The following PDE11A variants were observed in gnomAD, a reference collection of about 807,000 sequenced individuals.
The protein encoded by PDE11A is dual 3',5'-cyclic-AMP and -GMP phosphodiesterase 11A.
Under a neutral mutation model 100.5 loss-of-function variants are expected in PDE11A, and 100 were observed. The ratio of observed to expected loss-of-function variants is 1.00; its 90% CI spans 0.85 to 1.18. The LOEUF is 1.18. Among genes scored for constraint, PDE11A ranks in the 50% most tolerant of loss-of-function variants. The pLI, the probability that PDE11A is intolerant of heterozygous loss-of-function variation, is 0.00. For synonymous variants in PDE11A, 381 were observed against 420.8 expected (o/e 0.91, Z 1.16); for missense variants, 1,141 against 1,152.6 (o/e 0.99, Z 0.15).
chr2:177,929,279 C>T (rs2085174796), intron 2 of PDE11A, among the ~76,000 whole-genome samples: 1 of 152,198 alleles, frequency 6.6e-6, no homozygotes, highest in Admixed American at 6.5e-5. Context: ...GAGGAGTTCA[C>T]ACTCTCTGGG....
chr2:178,093,742 A>G (rs930324271), intron 2 of PDE11A, among the ~76,000 whole-genome samples: 2 of 152,244 alleles, frequency 1.3e-5, no homozygotes, highest in African/African-American at 2.4e-5. Flanking sequence ...TAGCTCAAAA[A>G]GAATAGGATA....
chr2:177,743,438 G>A (rs1559169592), intron 10 of PDE11A, among the ~76,000 whole-genome samples: 1 of 152,198 alleles, frequency 6.6e-6, no homozygotes, highest in Non-Finnish European at 1.5e-5. Context: ...TGCTCACTGA[G>A]CACCAACAGT....
intron 5 of PDE11A, among the ~76,000 whole-genome samples, chr2:177,867,705 G>A (rs1489548468): frequency 2.0e-5 from 3 of 152,110 alleles, no homozygotes; most frequent in Admixed American, 2.0e-4. Context: ...CAGCCTGGGT[G>A]ACAGAGCGAG....
intron 2 of PDE11A, among the ~76,000 whole-genome samples, chr2:177,952,225 T>C (rs916554079): frequency 1.3e-5 from 2 of 152,270 alleles, no homozygotes; most frequent in Non-Finnish European, 2.9e-5. Flanking sequence ...CTCCTACTTA[T>C]ATTCCAAGGA....
At chr2:177,960,911 T>C (rs1277357124) in intron 2 of PDE11A, among the ~76,000 whole-genome samples, 5 of 152,176 alleles carry the variant, frequency 3.3e-5, no homozygotes, top group Admixed American at 1.3e-4. Flanking sequence ...AGGTCACAAG[T>C]TGATGCAGAA....
chr2:177,993,479 T>G (rs571811176), intron 2 of PDE11A, among the ~76,000 whole-genome samples: 5 of 152,306 alleles, frequency 3.3e-5, no homozygotes, highest in Admixed American at 2.0e-4. Context: ...GTTCTTAAAA[T>G]TTTTCTGTAA....
At chr2:177,690,480 T>C (rs1053597439) in intron 15 of PDE11A, among the ~76,000 whole-genome samples, 4 of 152,242 alleles carry the variant, frequency 2.6e-5, no homozygotes, top group Non-Finnish European at 5.9e-5. Flanking sequence ...GTAGAAACAT[T>C]TGTTGAGTTC....
chr2:177,723,517 T>C (rs1323784481), intron 12 of PDE11A, among the ~76,000 whole-genome samples: 1 of 152,174 alleles, frequency 6.6e-6, no homozygotes. Flanking sequence ...TGCAAGATCA[T>C]AATATTCTAT....
chr2:177,665,484 A>AG (rs1229221437), intron 18 of PDE11A, among the ~76,000 whole-genome samples: 1 of 46,124 alleles, frequency 2.2e-5, no homozygotes, highest in African/African-American at 4.9e-5. Flanking sequence ...AGTCTCAAAA[A>AG]AAAAATAATA....
chr2:177,887,294 A>C (rs979883984), intron 4 of PDE11A, among the ~76,000 whole-genome samples: 1 of 152,244 alleles, frequency 6.6e-6, no homozygotes, highest in African/African-American at 2.4e-5. Flanking sequence ...ATAATTGGAC[A>C]AAAAATACTG....
At chr2:177,890,379 C>T (rs1336892613) in intron 4 of PDE11A, among the ~76,000 whole-genome samples, 2 of 152,200 alleles carry the variant, frequency 1.3e-5, no homozygotes, top group East Asian at 1.9e-4. Flanking sequence ...CCTGCCCAGG[C>T]ACCTGCTCTT....
Position 177,669,551 on chromosome 2 carries a change from G to C in PDE11A, c.2504C>G (p.Thr835Ser). ...EISRQVAELV[T>S]SEFFEQGDRE... ...ATCTCCTTGTTCGAAGAACTCACTG[G>C]TTACAAGTTCTGCCACCTGAAACAT... Residue 835 changes from threonine (T) to serine (S), a missense_variant, in exon 18 of 20, where the codon ACC (threonine) becomes AGC (serine). Thr to Ser is a moderately conservative substitution (Grantham distance 58). Coordinates refer to ENST00000286063, the MANE Select transcript of PDE11A (RefSeq NM_016953.4). 6.8e-7 allele frequency: 1 copy of C among 1,464,376 alleles called. No individual in the cohort carries two copies. The highest frequency in any genetic ancestry group is 1.7e-4 in the Middle Eastern group (1 of 5,800). 90.7% of individuals were successfully genotyped at this position (1,464,376 alleles called of 1,614,324 possible). A position where few individuals can be genotyped will look rare whatever the true frequency, so the allele number is the denominator to read the frequency against.
chr2:178,003,568 T>C (rs1345636791), intron 2 of PDE11A, among the ~76,000 whole-genome samples: 2 of 151,282 alleles, frequency 1.3e-5, no homozygotes, highest in African/African-American at 2.4e-5. Flanking sequence ...GTATTAGGAG[T>C]AGGAGAGCTG....
chr2:177,742,433 G>A (rs1308922636), intron 10 of PDE11A, among the ~76,000 whole-genome samples: 1 of 152,042 alleles, frequency 6.6e-6, no homozygotes, highest in African/African-American at 2.4e-5. Context: ...CTGTCACTTC[G>A]ATCTTCCCTT....
chr2:177,641,940 T>G (rs1168504020), intron 19 of PDE11A, among the ~76,000 whole-genome samples: 4 of 152,334 alleles, frequency 2.6e-5, no homozygotes, highest in Non-Finnish European at 5.9e-5. Flanking sequence ...GGTATGTGCA[T>G]TATCAACCCG....
At chr2:177,803,748 A>T (rs1485964106) in intron 9 of PDE11A, among the ~76,000 whole-genome samples, 2 of 152,116 alleles carry the variant, frequency 1.3e-5, no homozygotes, top group Non-Finnish European at 2.9e-5. Flanking sequence ...AATAAAATTC[A>T]GCATCCCTTC....
At chr2:178,095,556 T>C (rs1404679543) in intron 2 of PDE11A, among the ~76,000 whole-genome samples, 1 of 152,194 alleles carries the variant, frequency 6.6e-6, no homozygotes, top group African/African-American at 2.4e-5. Context: ...GGATCTACCA[T>C]TCTGGGGTCT....
intron 10 of PDE11A, among the ~76,000 whole-genome samples, chr2:177,737,391 A>T (rs992643656): frequency 2.3e-5 from 3 of 130,398 alleles, no homozygotes; most frequent in Non-Finnish European, 3.4e-5. Context: ...ATCCTGGCTA[A>T]CACAGTGAAA....
rs185409952 is a variant in PDE11A at position 177,967,928 on chromosome 2, A to G, written c.1071+46374T>C. Among the ~76,000 whole-genome samples the G allele has an allele frequency of 2.2e-3, 338 of 152,366 alleles. 5 individuals carry two copies. The highest frequency in any genetic ancestry group is 4.4e-4 in the Non-Finnish European group (30 of 68,038). ...GTTTTATTGAATAATTGAATAAATGAATGAATAAATGAATACCTATTTCAT... is the reference window on the plus strand; with the variant it reads ...GTTTTATTGAATAATTGAATAAATGGATGAATAAATGAATACCTATTTCAT... On this transcript the variant is annotated intron_variant, in intron 2 of 19. Coordinates refer to ENST00000286063, the MANE Select transcript of PDE11A (RefSeq NM_016953.4).
Sources: gnomAD v4.1 joint callset for allele counts (sites outside exome capture counted in the v4.1 genomes callset) on GRCh38, gnomAD v4.1.1 for gene constraint, MANE v1.5 for transcripts, NCBI Gene and HGNC (gene_info 2026-07-23, HGNC 2026-07-21) for gene names.